Variants in CAP2 observed in about 807,000 individuals in gnomAD.
CAP2 encodes the protein cyclase associated actin cytoskeleton regulatory protein 2.
CAP2 carries 24 observed loss-of-function variants against 57.7 expected under a neutral mutation model. That is an observed-to-expected ratio of 0.42 (90% CI 0.30 to 0.58). CAP2 has a LOEUF of 0.58. Among genes scored for constraint, CAP2 ranks in the 20% least tolerant of loss-of-function variants. CAP2 has a pLI of 0.22. For missense variants in CAP2, 501 were observed against 590.3 expected (o/e 0.85, Z 1.57); for synonymous variants, 194 against 207.2 (o/e 0.94, Z 0.55).
intron 7 of CAP2, among the ~76,000 whole-genome samples, chr6:17,529,651 A>AAAAAAATATATATATAT (rs10656588): frequency 1.2e-3 from 161 of 134,486 alleles, no homozygotes; most frequent in African/African-American, 4.5e-3. Flanking sequence ...AAAAAAAAAA[A>AAAAAAATATATATATAT]ATATATATAT....
intron 3 of CAP2, among the ~76,000 whole-genome samples, chr6:17,447,666 CT>C (rs1445003617): frequency 6.6e-6 from 1 of 152,148 alleles, no homozygotes; most frequent in African/African-American, 2.4e-5. Flanking sequence ...GCCTGGCTAA[CT>C]TTTGTATTTT....
At chr6:17,497,667 T>C (rs986203175) in intron 4 of CAP2, among the ~76,000 whole-genome samples, 4 of 152,232 alleles carry the variant, frequency 2.6e-5, no homozygotes, top group African/African-American at 9.6e-5. Context: ...GAACTCATGT[T>C]GTCAAGTTCC....
intron 3 of CAP2, among the ~76,000 whole-genome samples, chr6:17,445,452 C>T (rs1018465784): frequency 3.3e-5 from 5 of 152,186 alleles, no homozygotes; most frequent in Non-Finnish European, 7.3e-5. Flanking sequence ...AATAGAATTT[C>T]GTTTGGTTTT....
chr6:17,441,156 G>C (rs1347521003), intron 3 of CAP2, among the ~76,000 whole-genome samples: 2 of 151,170 alleles, frequency 1.3e-5, no homozygotes, highest in African/African-American at 4.9e-5. Flanking sequence ...TAATATATTA[G>C]TATTTCTTCA....
chr6:17,505,406 C>T (rs1761953623), intron 4 of CAP2, among the ~76,000 whole-genome samples: 1 of 152,194 alleles, frequency 6.6e-6, no homozygotes, highest in Admixed American at 6.5e-5. Context: ...GAAGCCACCG[C>T]TGCAGCAATG....
At chr6:17,416,537 A>G (rs919026779) in intron 1 of CAP2, among the ~76,000 whole-genome samples, 4 of 152,204 alleles carry the variant, frequency 2.6e-5, no homozygotes, top group African/African-American at 7.2e-5. Flanking sequence ...GGCAATACGC[A>G]TGCAGGTGGT....
intron 3 of CAP2, among the ~76,000 whole-genome samples, chr6:17,449,387 C>T (rs1457000797): frequency 6.6e-6 from 1 of 152,002 alleles, no homozygotes; most frequent in African/African-American, 2.4e-5. Flanking sequence ...CAGTTAAAAG[C>T]CTTGTGCAAT....
At chr6:17,535,768 G>T (rs1160217668) in intron 7 of CAP2, among the ~76,000 whole-genome samples, 2 of 152,092 alleles carry the variant, frequency 1.3e-5, no homozygotes, top group Non-Finnish European at 2.9e-5. Flanking sequence ...TAATATGGTT[G>T]TCATAATTAA....
chr6:17,440,612 GTGGTGTGTGT>G (rs1760046199), intron 3 of CAP2, among the ~76,000 whole-genome samples: 1 of 72,802 alleles, frequency 1.4e-5, no homozygotes, highest in East Asian at 1.3e-3. Context: ...CAAACTGTGT[GTGGTGTGTGT>G]GTGTGTGTGT....
Position 17,517,902 on chromosome 6 carries a change from A to AAAATAAAT in CAP2, c.636+3966_636+3973dup, listed in dbSNP as rs150089656. Among the ~76,000 whole-genome samples the AAAATAAAT allele has an allele frequency of 5.3e-3, 800 of 152,090 alleles. 9 individuals carry two copies. The highest frequency in any genetic ancestry group is 0.018 in the African/African-American group (751 of 41,436). On this transcript the variant is annotated intron_variant, in intron 7 of 12. Coordinates refer to ENST00000229922, the MANE Select transcript of CAP2 (RefSeq NM_006366.3). ...GGCAACAAGAGTGAGACTTGGTCTC[A>AAAATAAAT]AAATAAATAAATAAATAAATAAATA...
chr6:17,500,006 C>T (rs1032485321), intron 4 of CAP2, among the ~76,000 whole-genome samples: 1 of 151,568 alleles, frequency 6.6e-6, no homozygotes, highest in African/African-American at 2.4e-5. Flanking sequence ...TGTTATTATT[C>T]AATATAATGG....
chr6:17,507,624 C>T lies in CAP2; in HGVS notation c.445-17C>T, dbSNP rs372057498. On this transcript the variant is annotated splice_polypyrimidine_tract_variant and intron_variant, in intron 5 of 12. Coordinates refer to ENST00000229922, the MANE Select transcript of CAP2 (RefSeq NM_006366.3). Reference sequence around the variant, plus strand: ...TTTTTTTCCTTCTATGCTTGGGTGACGGTCCTGTTTTCTCAGTCTCCCAAA... The same window carrying T: ...TTTTTTTCCTTCTATGCTTGGGTGATGGTCCTGTTTTCTCAGTCTCCCAAA... The T allele has an allele frequency of 5.5e-5, 81 of 1,475,294 alleles. No individual in the cohort carries two copies. Among genetic ancestry groups the T allele is most frequent in the African/African-American group, 2.5e-4 (18 of 71,868 alleles). The allele number at this position is 1,475,294 out of a possible 1,614,324, so 91.4% of individuals were successfully genotyped here.
At chr6:17,515,058 C>T (rs1209048970) in intron 7 of CAP2, among the ~76,000 whole-genome samples, 2 of 151,548 alleles carry the variant, frequency 1.3e-5, no homozygotes, top group African/African-American at 2.4e-5. Context: ...AACAGCCGAG[C>T]GTGGTGGTGC....
At chr6:17,461,992 C>CAAA (rs567675285) in intron 3 of CAP2, among the ~76,000 whole-genome samples, 423 of 27,848 alleles carry the variant, frequency 0.015, 45 homozygotes, top group Non-Finnish European at 0.034. Context: ...GACTCCGTCT[C>CAAA]AAAAAAAAAA....
chr6:17,438,164 A>G (rs1048583596), intron 3 of CAP2, among the ~76,000 whole-genome samples: 3 of 147,444 alleles, frequency 2.0e-5, no homozygotes, highest in South Asian at 2.1e-4. Context: ...TCAGGAGTTC[A>G]AGACCAGCTT....
chr6:17,494,903 C>T (rs7748358), intron 4 of CAP2, among the ~76,000 whole-genome samples: 79,730 of 151,932 alleles, frequency 0.52, 21,070 homozygotes, highest in Admixed American at 0.6. Flanking sequence ...GAATTCTTAC[C>T]GACAGCCTTT....
intron 7 of CAP2, among the ~76,000 whole-genome samples, chr6:17,523,196 A>G (rs1234176182): frequency 1.3e-5 from 2 of 152,190 alleles, no homozygotes; most frequent in Non-Finnish European, 2.9e-5. Context: ...GAGTGTGACA[A>G]TGGCAATGCA....
chr6:17,395,464 A>G (rs1011133931), intron 1 of CAP2, among the ~76,000 whole-genome samples: 6 of 152,206 alleles, frequency 3.9e-5, no homozygotes, highest in African/African-American at 1.4e-4. Flanking sequence ...AGGAGCAGAA[A>G]ACACAAAAGT....
intron 4 of CAP2, among the ~76,000 whole-genome samples, chr6:17,475,126 C>T (rs1365164771): frequency 1.3e-5 from 2 of 150,196 alleles, no homozygotes; most frequent in South Asian, 2.1e-4. Flanking sequence ...ACCTGGGAGG[C>T]GGAGGTTGCA....
Sources: allele counts gnomAD v4.1 joint callset (sites outside exome capture counted in the v4.1 genomes callset), GRCh38; gene constraint gnomAD v4.1.1; transcripts MANE v1.5; gene names NCBI Gene and HGNC (gene_info 2026-07-23, HGNC 2026-07-21).